The following ERG variants were observed in gnomAD, a reference collection of about 807,000 sequenced individuals.
The protein encoded by ERG is transcriptional regulator ERG.
A neutral mutation model predicts 55.3 loss-of-function variants in ERG; 9 were observed. The observed-to-expected ratio is 0.16, with a 90% confidence interval of 0.10 to 0.28. The LOEUF is 0.28. ERG is among the 10% of genes least tolerant of loss of function. The pLI is 1.00. For missense variants in ERG, 434 were observed against 631.6 expected, an observed-to-expected ratio of 0.69 and a Z score of 3.35; for synonymous variants, 223 against 237.3, an observed-to-expected ratio of 0.94 and a Z score of 0.55.
At chr21:38,654,994 T>C (rs2146991453) in intron 1 of ERG, among the ~76,000 whole-genome samples, 1 of 152,332 alleles carries the variant, frequency 6.6e-6, no homozygotes, top group South Asian at 2.1e-4. Flanking sequence ...TTACCTCATT[T>C]CCTAATAAAA....
At chr21:38,575,929 C>T (rs2146865450) in intron 1 of ERG, among the ~76,000 whole-genome samples, 1 of 152,370 alleles carries the variant, frequency 6.6e-6, no homozygotes, top group South Asian at 2.1e-4. Flanking sequence ...AACTCACTTC[C>T]CTTCCATTGG....
upstream of ERG, among the ~76,000 whole-genome samples, chr21:38,500,790 C>A (rs932663186): frequency 6.6e-6 from 1 of 152,050 alleles, no homozygotes; most frequent in Non-Finnish European, 1.5e-5. Context: ...AGTTTTACTG[C>A]GTCTAATTTT....
chr21:38,569,230 C>T (rs997093057), intron 2 of ERG, among the ~76,000 whole-genome samples: 10 of 152,182 alleles, frequency 6.6e-5, no homozygotes, highest in Non-Finnish European at 2.9e-5. Flanking sequence ...AATGAATAAA[C>T]GAGCCCAAGT....
intron 2 of ERG, among the ~76,000 whole-genome samples, chr21:38,545,168 C>T (rs900739730): frequency 2.6e-4 from 40 of 152,226 alleles, no homozygotes; most frequent in South Asian, 6.2e-4. Flanking sequence ...CTGCTGAAAA[C>T]CTTCCTTTCT....
intron 1 of ERG, among the ~76,000 whole-genome samples, chr21:38,634,490 T>A (rs1184177744): frequency 6.6e-6 from 1 of 152,214 alleles, no homozygotes; most frequent in African/African-American, 2.4e-5. Context: ...AACTTCTAAC[T>A]AGACCCCAAA....
chr21:38,445,241 A>G (rs558007491), intron 2 of ERG, among the ~76,000 whole-genome samples, 163 bp downstream of exon 2: 1 of 150,146 alleles, frequency 6.7e-6, no homozygotes, highest in East Asian at 2.0e-4. Context: ...TCCTGGATTC[A>G]AGTGATTCTC....
At chr21:38,597,672 AG>A (rs1353282502) in intron 1 of ERG, among the ~76,000 whole-genome samples, 1 of 152,122 alleles carries the variant, frequency 6.6e-6, no homozygotes, top group Non-Finnish European at 1.5e-5. Flanking sequence ...CACTTCCCAA[AG>A]AGGGCTGACA....
chr21:38,400,459 A>G (rs1364112836), intron 6 of ERG, 115 bp downstream of exon 6: 1 of 837,022 alleles, frequency 1.2e-6, no homozygotes, highest in Non-Finnish European at 2.1e-6. Context: ...ACTGTCTGGG[A>G]CTGGCTTCAG....
chr21:38,521,440 T>C (rs1396463303), intron 2 of ERG, among the ~76,000 whole-genome samples: 1 of 152,112 alleles, frequency 6.6e-6, no homozygotes, highest in Non-Finnish European at 1.5e-5. Flanking sequence ...TAAAACACTA[T>C]GTGACGCCAC....
chr21:38,499,008 T>C (rs753898620), upstream of ERG, among the ~76,000 whole-genome samples: 2 of 152,248 alleles, frequency 1.3e-5, no homozygotes, highest in Admixed American at 6.5e-5. Flanking sequence ...CAACATTTCA[T>C]ATAAGTGTTC....
intron 1 of ERG, among the ~76,000 whole-genome samples, chr21:38,496,555 T>TA (rs1404117561): frequency 3.3e-5 from 5 of 151,562 alleles, no homozygotes; most frequent in Non-Finnish European, 5.9e-5. Context: ...AACAGAAGAT[T>TA]AAAAAAAAAT....
downstream of ERG, among the ~76,000 whole-genome samples, chr21:38,378,560 G>A (rs1183649421): frequency 6.6e-6 from 1 of 152,194 alleles, no homozygotes; most frequent in Non-Finnish European, 1.5e-5. Context: ...TGGGTGATAA[G>A]GGTAATCCCA....
intron 1 of ERG, among the ~76,000 whole-genome samples, chr21:38,602,862 A>G (rs2060172876): frequency 6.6e-6 from 1 of 151,994 alleles, no homozygotes; most frequent in Non-Finnish European, 1.5e-5. Flanking sequence ...TCCTCAAGAA[A>G]AAAACGACGA....
chr21:38,600,065 C>T (rs1029827783), intron 1 of ERG, among the ~76,000 whole-genome samples: 2 of 152,142 alleles, frequency 1.3e-5, no homozygotes, highest in Non-Finnish European at 2.9e-5. Flanking sequence ...CTATAAGGCA[C>T]GAGGTTGGTG....
chr21:38,514,887 T>C (rs1219362376), intron 2 of ERG, among the ~76,000 whole-genome samples: 1 of 151,744 alleles, frequency 6.6e-6, no homozygotes, highest in Non-Finnish European at 1.5e-5. Flanking sequence ...AATAAATGAG[T>C]TTTAAAAGTT....
chr21:38,466,124 G>A (rs548871475), intron 1 of ERG, among the ~76,000 whole-genome samples: 4 of 152,110 alleles, frequency 2.6e-5, no homozygotes, highest in Admixed American at 2.6e-4. Flanking sequence ...CCCAGTACTA[G>A]AGACTTTAAT....
At chr21:38,472,989 T>A (rs1260869583) in intron 1 of ERG, among the ~76,000 whole-genome samples, 1 of 152,128 alleles carries the variant, frequency 6.6e-6, no homozygotes, top group Non-Finnish European at 1.5e-5. Context: ...GCTCCCCGCC[T>A]GCAGACCCGG....
At chr21:38,570,518 T>A (rs2059951143) in intron 2 of ERG, among the ~76,000 whole-genome samples, 1 of 152,224 alleles carries the variant, frequency 6.6e-6, no homozygotes, top group Admixed American at 6.5e-5. Flanking sequence ...TTAAGATGGG[T>A]ACGCCACCCT....
At chr21:38,499,082 T>C (rs2059402073), upstream of ERG, among the ~76,000 whole-genome samples, 2 of 152,348 alleles carry the variant, frequency 1.3e-5, no homozygotes, top group East Asian at 1.9e-4. Flanking sequence ...AACAAAGTTG[T>C]TGAAAACGCA....
Sources: allele counts gnomAD v4.1 joint callset (sites outside exome capture counted in the v4.1 genomes callset), GRCh38; gene constraint gnomAD v4.1.1; transcripts MANE v1.5; gene names NCBI Gene and HGNC (gene_info 2026-07-23, HGNC 2026-07-21).